Variants in GORASP2 observed in about 807,000 individuals in gnomAD.
GORASP2 encodes Golgi reassembly-stacking protein 2.
Under a neutral mutation model 45.7 loss-of-function variants are expected in GORASP2, and 22 were observed. The observed-to-expected ratio is 0.48, with a 90% CI of 0.34 to 0.69. The LOEUF (loss-of-function observed/expected upper bound fraction) is 0.69, where lower values mean the gene tolerates loss of function less well. Ranked by LOEUF, GORASP2 falls within the 30% of genes least tolerant of loss-of-function variation. The pLI is 0.01. For missense variants in GORASP2, 491 were observed against 562.7 expected (o/e 0.87, Z 1.29); for synonymous variants, 221 against 215.6 (o/e 1.02, Z -0.22).
chr2:170,966,827 T>C lies in GORASP2; in HGVS notation c.*697T>C, dbSNP rs770035418. The stretch of plus-strand genomic sequence containing the variant: ...TCAAAAGAAATAAGGTGCCACAGTT[T>C]TAAACCAGAAGGTGGCACTCTGTGG... On this transcript the variant is annotated 3_prime_UTR_variant, in exon 10 of 10. Transcript: ENST00000234160. The C allele has an allele frequency of 2.6e-5, 4 of 152,780 alleles. No homozygotes were observed. Among genetic ancestry groups the C allele is most frequent in the Non-Finnish European group, 5.9e-5 (4 of 68,240 alleles). The allele number at this position is 152,780 out of a possible 1,614,324, so 9.5% of individuals were successfully genotyped here.
chr2:170,931,401 CTTCCT>C (rs1703820062), intron 1 of GORASP2, among the ~76,000 whole-genome samples: 1 of 152,102 alleles, frequency 6.6e-6, no homozygotes. Context: ...GTAAAAATGT[CTTCCT>C]TTCATTTGTT....
intron 5 of GORASP2, among the ~76,000 whole-genome samples, chr2:170,951,987 A>G (rs887656999): frequency 6.6e-6 from 1 of 152,252 alleles, no homozygotes; most frequent in African/African-American, 2.4e-5. Context: ...TCAAATTATC[A>G]TTGTCCATTG....
At chr2:170,934,332 ATGGCGCATCTCGGCTCAC>A (rs1703895962) in intron 1 of GORASP2, among the ~76,000 whole-genome samples, 1 of 151,332 alleles carries the variant, frequency 6.6e-6, no homozygotes, top group African/African-American at 2.4e-5. Context: ...CTGGAGTACA[ATGGCGCATCTCGGCTCAC>A]TGCAACCTCC....
chr2:170,962,971 A>G (rs1371806669), intron 9 of GORASP2, 25 bp downstream of exon 9: 2 of 1,450,996 alleles, frequency 1.4e-6, no homozygotes, highest in East Asian at 2.3e-5. Context: ...TCACCCTCCT[A>G]GGACTCTCTC....
intron 6 of GORASP2, among the ~76,000 whole-genome samples, chr2:170,955,458 C>T (rs1704402964): frequency 3.9e-5 from 6 of 152,158 alleles, no homozygotes; most frequent in Admixed American, 3.9e-4. Context: ...GCTTACAGGG[C>T]TTTTGAATGT....
At chr2:170,946,053 C>T (rs1704176613) in intron 1 of GORASP2, among the ~76,000 whole-genome samples, 1 of 152,098 alleles carries the variant, frequency 6.6e-6, no homozygotes. Context: ...GCCCTGTCCC[C>T]TATACCGGAG....
At chr2:170,951,067 T>A (rs1343448874) in intron 4 of GORASP2, among the ~76,000 whole-genome samples, 1 of 152,164 alleles carries the variant, frequency 6.6e-6, no homozygotes, top group Non-Finnish European at 1.5e-5. Context: ...GCAGAATATG[T>A]AGAACTCGGG....
Position 170,954,843 on chromosome 2 carries a change from T to A in GORASP2, c.699+61T>A, listed in dbSNP as rs540790154. The A allele has an allele frequency of 1.2e-5, 16 of 1,318,322 alleles. No individual in the cohort carries two copies. In the South Asian group the frequency reaches 1.5e-4, roughly 12 times the overall value. 81.7% of individuals were successfully genotyped at this position (1,318,322 alleles called of 1,614,324 possible). On this transcript the variant is annotated intron_variant, in intron 6 of 9. Coordinates refer to ENST00000234160, the MANE Select transcript of GORASP2 (RefSeq NM_015530.5). ...TTTTTACCAAAACGAGTCACGTGTT[T>A]CAGTGCTACTATATGGCAGTAGCAC...
chr2:170,929,494 C>T, intron 1 of GORASP2, 91 bp downstream of exon 1: 1 of 1,024,412 alleles, frequency 9.8e-7, no homozygotes, highest in African/African-American at 1.7e-5. Flanking sequence ...CTTCACGGGG[C>T]AGCCAGGCCC....
chr2:170,934,507 G>A (rs1329846099), intron 1 of GORASP2, among the ~76,000 whole-genome samples: 2 of 151,838 alleles, frequency 1.3e-5, no homozygotes, highest in Non-Finnish European at 2.9e-5. Flanking sequence ...TGATCCACCC[G>A]CCTCCACCTC....
intron 6 of GORASP2, among the ~76,000 whole-genome samples, chr2:170,955,215 A>T (rs917238078): frequency 1.3e-5 from 2 of 152,100 alleles, no homozygotes; most frequent in Non-Finnish European, 2.9e-5. Context: ...AGGTGAAAGG[A>T]GTGAAAAAAA....
At chr2:170,931,022 A>T (rs1047737495) in intron 1 of GORASP2, among the ~76,000 whole-genome samples, 3 of 151,880 alleles carry the variant, frequency 2.0e-5, no homozygotes, top group African/African-American at 4.8e-5. Flanking sequence ...CATACACATC[A>T]AAAGGATTCC....
Position 170,954,671 on chromosome 2 carries a change from T to C in GORASP2, c.588T>C (p.Tyr196=), listed in dbSNP as rs1704381854. Residue 196 remains tyrosine (Y), a synonymous_variant, in exon 6 of 10, where the codon TAT becomes TAC. Coordinates refer to ENST00000234160, the MANE Select transcript of GORASP2 (RefSeq NM_015530.5). ...ATAGCCTAGGATGTGGCATTGGATA[T>C]GGTTATTTGCATCGAATACCTACAC... The part of the protein sequence containing the change: ...GEGSLGCGIG[Y]GYLHRIPTRP... 6.2e-7 allele frequency: 1 copy of C among 1,613,310 alleles called. No homozygotes were observed.
At chr2:170,955,134 G>C (rs916113284) in intron 6 of GORASP2, among the ~76,000 whole-genome samples, 10 of 152,126 alleles carry the variant, frequency 6.6e-5, no homozygotes, top group African/African-American at 2.4e-4. Context: ...AAGCTCAGCA[G>C]GAGGCCAGAG....
intron 4 of GORASP2, 62 bp from the exon 5 acceptor site, chr2:170,951,266 T>A (rs1704292564): frequency 7.2e-7 from 1 of 1,379,584 alleles, no homozygotes; most frequent in Admixed American, 2.4e-5. Context: ...ATAGCCAGGT[T>A]TGAGACACAC....
Position 170,948,387 on chromosome 2 carries a change from A to C in GORASP2, c.101A>C (p.Glu34Ala), listed in dbSNP as rs1408880185. The stretch of plus-strand genomic sequence containing the variant: ...TCCCCAGGACACAGAGCTGGTTTGG[A>C]GCCTTTCTTTGATTTTATTGTTTCT... ...ENSPGHRAGL[E>A]PFFDFIVSIN... The change falls in exon 2 of 10, where the codon GAG becomes GCG. Residue 34 changes from glutamate to alanine, a missense_variant. By Grantham distance (107) the Glu-to-Ala change is moderately radical. Transcript: ENST00000234160. 26 of 1,600,768 alleles carry C rather than the reference A, an allele frequency of 1.6e-5. No individual in the cohort carries two copies. The highest frequency in any genetic ancestry group is 1.8e-5 in the Non-Finnish European group (21 of 1,169,680).
chr2:170,951,311 CTG>C lies in GORASP2; in HGVS notation c.436-14_436-13del, dbSNP rs1559312404. The C allele has an allele frequency of 2.5e-6, 4 of 1,583,848 alleles. No homozygotes were observed. The highest frequency in any genetic ancestry group is 3.4e-6 in the Non-Finnish European group (4 of 1,167,686). ...GTATGGTAACGTGAAACATTTTCTCCTGTGACACTTTTGCAGTCTGAAGATCT... is the reference window on the plus strand; with the variant it reads ...GTATGGTAACGTGAAACATTTTCTCCTGACACTTTTGCAGTCTGAAGATCT... On this transcript the variant is annotated splice_polypyrimidine_tract_variant and intron_variant, in intron 4 of 9. Coordinates refer to ENST00000234160, the MANE Select transcript of GORASP2 (RefSeq NM_015530.5).
Position 170,962,919 on chromosome 2 carries a change from G to T in GORASP2, c.991G>T (p.Val331Phe). ...NLPAPHIMPGVGLPELVNPGL... is the reference protein window; with the variant it reads ...NLPAPHIMPGFGLPELVNPGL... ...CCCAGCACCACACATCATGCCAGGG[G>T]TTGGCTTACCAGAACTTGTAAACCC... The change falls in exon 9 of 10, where the codon GTT (valine) becomes TTT (phenylalanine). Residue 331 changes from valine to phenylalanine, a missense_variant. This residue lies in a region of GORASP2 where 297 missense variants were observed against 292.3 expected (regional missense o/e 1.02). Transcript: ENST00000234160. 6.2e-7 allele frequency: 1 copy of T among 1,613,874 alleles called. No homozygotes were observed. The highest frequency in any genetic ancestry group is 1.3e-5 in the African/African-American group (1 of 75,004).
intron 2 of GORASP2, 87 bp from the exon 3 acceptor site, chr2:170,949,452 T>A: frequency 1.2e-6 from 1 of 815,722 alleles, no homozygotes; most frequent in African/African-American, 1.7e-5. Flanking sequence ...ATGTTGATTA[T>A]TAATATTACT....
Sources: gnomAD v4.1 joint callset for allele counts (sites outside exome capture counted in the v4.1 genomes callset) on GRCh38, gnomAD v4.1.1 for gene constraint, gnomAD v4.1.1 regional missense constraint, MANE v1.5 for transcripts, NCBI Gene and HGNC (gene_info 2026-07-23, HGNC 2026-07-21) for gene names.